The following CNTNAP2 variants were observed in gnomAD, a reference collection of about 807,000 sequenced individuals.
CNTNAP2 encodes the protein contactin-associated protein-like 2.
A neutral mutation model predicts 155.2 loss-of-function variants in CNTNAP2; 98 were observed. The ratio of observed to expected loss-of-function variants is 0.63; its 90% CI spans 0.54 to 0.75. The LOEUF (loss-of-function observed/expected upper bound fraction) is 0.75. Ranked by LOEUF, CNTNAP2 falls within the 30% of genes least tolerant of loss-of-function variation. CNTNAP2 has a pLI of 0.00. For missense variants in CNTNAP2, 1,727 were observed against 1,688.1 expected (o/e 1.02, Z -0.40); for synonymous variants, 651 against 631.2 (o/e 1.03, Z -0.47).
chr7:147,426,119 G>A (rs1257899900), intron 10 of CNTNAP2, among the ~76,000 whole-genome samples: 2 of 151,668 alleles, frequency 1.3e-5, no homozygotes, highest in Non-Finnish European at 2.9e-5. Context: ...CAGTAATAGG[G>A]CTGAATATGT....
intron 1 of CNTNAP2, among the ~76,000 whole-genome samples, chr7:146,585,910 T>A (rs180921443): frequency 2.5e-4 from 38 of 151,868 alleles, no homozygotes; most frequent in Middle Eastern, 3.4e-3. Flanking sequence ...GAGGCTGAAG[T>A]AGGAGGATTA....
chr7:147,271,620 C>A (rs1300258657), intron 8 of CNTNAP2, among the ~76,000 whole-genome samples: 1 of 152,028 alleles, frequency 6.6e-6, no homozygotes. Context: ...TGATGGAAGG[C>A]GAAAAGCATG....
At chr7:148,172,194 A>AT (rs758812336) in intron 17 of CNTNAP2, 48 bp from the exon 18 acceptor site, 59 of 1,567,430 alleles carry the variant, frequency 3.8e-5, no homozygotes, top group Non-Finnish European at 4.9e-5. Flanking sequence ...GAATTAAGCA[A>AT]TAGCAGAGGT....
chr7:148,279,670 C>T (rs924059196), intron 21 of CNTNAP2, among the ~76,000 whole-genome samples: 1 of 152,120 alleles, frequency 6.6e-6, no homozygotes, highest in African/African-American at 2.4e-5. Context: ...AGATAGATGT[C>T]TTGGCTTGAC....
intron 10 of CNTNAP2, among the ~76,000 whole-genome samples, chr7:147,484,409 G>T (rs550235790): frequency 6.6e-6 from 1 of 151,924 alleles, no homozygotes; most frequent in Non-Finnish European, 1.5e-5. Flanking sequence ...GTGAAATCCC[G>T]TAGTACTTTA....
chr7:146,232,785 A>G (rs571360011), intron 1 of CNTNAP2, among the ~76,000 whole-genome samples: 2 of 152,242 alleles, frequency 1.3e-5, no homozygotes, highest in South Asian at 2.1e-4. Flanking sequence ...AAACAATGTC[A>G]AAGACATTGA....
At chr7:147,265,559 G>A (rs1442779702) in intron 8 of CNTNAP2, among the ~76,000 whole-genome samples, 1 of 152,198 alleles carries the variant, frequency 6.6e-6, no homozygotes, top group Non-Finnish European at 1.5e-5. Flanking sequence ...CCGTGGATCA[G>A]TAGATTTAGT....
intron 1 of CNTNAP2, among the ~76,000 whole-genome samples, chr7:146,352,750 G>GT (rs531124445): frequency 0.059 from 3,783 of 64,204 alleles, 649 homozygotes; most frequent in Non-Finnish European, 0.07. Flanking sequence ...GCATAATTCT[G>GT]TTTTTTTTTT....
At chr7:146,274,768 T>TG (rs11431175) in intron 1 of CNTNAP2, among the ~76,000 whole-genome samples, 8,827 of 152,252 alleles carry the variant, frequency 0.058, 868 homozygotes, top group African/African-American at 0.2. Flanking sequence ...GAAAACTTTG[T>TG]GTCAGGTGTG....
intron 1 of CNTNAP2, among the ~76,000 whole-genome samples, chr7:146,522,025 G>A (rs1460321828): frequency 1.3e-5 from 2 of 151,796 alleles, no homozygotes; most frequent in Admixed American, 1.3e-4. Flanking sequence ...GCTTAATGGA[G>A]CACATTGAAA....
intron 15 of CNTNAP2, among the ~76,000 whole-genome samples, chr7:148,069,868 T>A (rs1803349685): frequency 6.6e-6 from 1 of 152,130 alleles, no homozygotes; most frequent in East Asian, 1.9e-4. Flanking sequence ...GAAAAATGTG[T>A]GCCTAATAAA....
intron 10 of CNTNAP2, among the ~76,000 whole-genome samples, chr7:147,463,214 T>C (rs1031109736): frequency 3.0e-4 from 45 of 152,198 alleles, no homozygotes; most frequent in African/African-American, 9.9e-4. Flanking sequence ...TGTATGGCAA[T>C]AGCAAGCTGT....
chr7:146,817,826 G>A (rs923577288), intron 2 of CNTNAP2, among the ~76,000 whole-genome samples: 1 of 151,756 alleles, frequency 6.6e-6, no homozygotes, highest in Non-Finnish European at 1.5e-5. Context: ...CCAACATTGC[G>A]GATTACAAGT....
chr7:147,875,351 A>G (rs1326972907), intron 13 of CNTNAP2, among the ~76,000 whole-genome samples: 2 of 152,122 alleles, frequency 1.3e-5, no homozygotes, highest in Non-Finnish European at 2.9e-5. Flanking sequence ...CAGGCAAGAG[A>G]TTGTGTACAG....
chr7:147,146,964 T>C (rs1436894926), intron 8 of CNTNAP2, among the ~76,000 whole-genome samples: 4 of 152,230 alleles, frequency 2.6e-5, no homozygotes, highest in Non-Finnish European at 5.9e-5. Flanking sequence ...CCACAATTGA[T>C]GATTGTATGT....
At chr7:147,168,592 G>A in intron 8 of CNTNAP2, among the ~76,000 whole-genome samples, 1 of 152,004 alleles carries the variant, frequency 6.6e-6, no homozygotes, top group East Asian at 1.9e-4. Context: ...CAAAACTCGT[G>A]AAGATTTAAA....
At chr7:148,093,012 A>G (rs2116567171) in intron 15 of CNTNAP2, among the ~76,000 whole-genome samples, 1 of 152,212 alleles carries the variant, frequency 6.6e-6, no homozygotes, top group African/African-American at 2.4e-5. Flanking sequence ...CAGTTATCAT[A>G]CTTTCTAAAT....
At chr7:146,748,620 G>A (rs1801852728) in intron 1 of CNTNAP2, among the ~76,000 whole-genome samples, 1 of 152,110 alleles carries the variant, frequency 6.6e-6, no homozygotes, top group South Asian at 2.1e-4. Context: ...TTTTCTTTCA[G>A]TAGTTTAGAC....
chr7:146,494,298 C>T (rs1797181933), intron 1 of CNTNAP2, among the ~76,000 whole-genome samples: 1 of 151,706 alleles, frequency 6.6e-6, no homozygotes, highest in South Asian at 2.1e-4. Context: ...CGCACCACTG[C>T]ACTCCAGCCT....
Sources: gnomAD v4.1 joint callset for allele counts (sites outside exome capture counted in the v4.1 genomes callset) on GRCh38, gnomAD v4.1.1 for gene constraint, MANE v1.5 for transcripts, NCBI Gene and HGNC (gene_info 2026-07-23, HGNC 2026-07-21) for gene names.